ANGPT1: variants seen among roughly 807,000 people sequenced by gnomAD.
ANGPT1 encodes angiopoietin-1.
Under a neutral mutation model 62.2 loss-of-function variants are expected in ANGPT1, and 17 were observed. That is an observed-to-expected ratio of 0.27 (90% confidence interval 0.19 to 0.41). The LOEUF is 0.41. ANGPT1 is among the 10% of genes least tolerant of loss of function. The probability of loss-of-function intolerance (pLI) is 1.00; values close to 1 mark genes in which losing one functional copy is unlikely to be tolerated. For synonymous variants in ANGPT1, 199 were observed against 198.9 expected (o/e 1.00, Z 0.00); for missense variants, 478 against 594.9 (o/e 0.80, Z 2.04).
chr8:107,371,536 T>C (rs938623718), intron 1 of ANGPT1, among the ~76,000 whole-genome samples: 1 of 151,538 alleles, frequency 6.6e-6, no homozygotes, highest in Non-Finnish European at 1.5e-5. Flanking sequence ...GGCACCATAA[T>C]CCTTCTTCAA....
In ANGPT1 at chr8:107,325,505, T is replaced by C. The variant is rs1009248275; in HGVS notation, c.576-3377A>G. On this transcript the variant is annotated intron_variant, in intron 3 of 8. Coordinates refer to ENST00000517746, the MANE Select transcript of ANGPT1 (RefSeq NM_001146.5). Reference sequence around the variant, plus strand: ...GTCATATAATACTGGATAAAAATTCTGAATTACCATTTTGTACTTGAAATA... The same window carrying C: ...GTCATATAATACTGGATAAAAATTCCGAATTACCATTTTGTACTTGAAATA... 2.6e-5 allele frequency among the ~76,000 whole-genome samples: 4 copies of C among 152,236 alleles called. No homozygotes were observed. In the South Asian group the frequency reaches 8.3e-4, roughly 31 times the overall value.
chr8:107,298,436 G>C (rs2130201020), intron 5 of ANGPT1, among the ~76,000 whole-genome samples: 1 of 151,922 alleles, frequency 6.6e-6, no homozygotes, highest in African/African-American at 2.4e-5. Context: ...GAAAGGGAAA[G>C]TCTTGTTTCC....
At chr8:107,453,531 A>G (rs1811835146) in intron 1 of ANGPT1, among the ~76,000 whole-genome samples, 1 of 152,048 alleles carries the variant, frequency 6.6e-6, no homozygotes, top group Non-Finnish European at 1.5e-5. Context: ...CTTATTCACT[A>G]TCACAAGAAC....
At chr8:107,418,412 T>C (rs1810809724) in intron 1 of ANGPT1, among the ~76,000 whole-genome samples, 1 of 152,162 alleles carries the variant, frequency 6.6e-6, no homozygotes, top group Non-Finnish European at 1.5e-5. Flanking sequence ...CTGTGTTCTC[T>C]CGTTTGTGAT....
intron 3 of ANGPT1, among the ~76,000 whole-genome samples, chr8:107,327,264 T>G (rs114493022): frequency 6.6e-6 from 1 of 152,136 alleles, no homozygotes; most frequent in African/African-American, 2.4e-5. Flanking sequence ...CCCTGAAGCC[T>G]TTCATTGATT....
intron 1 of ANGPT1, among the ~76,000 whole-genome samples, chr8:107,356,352 A>G (rs957100926): frequency 6.6e-6 from 1 of 152,228 alleles, no homozygotes; most frequent in African/African-American, 2.4e-5. Flanking sequence ...AATGCTGTTC[A>G]TTGAGACTGC....
rs1287818629 is a variant in ANGPT1 at position 107,364,724 on chromosome 8, T to G, written c.298-17627A>C. Among the ~76,000 whole-genome samples, 3 of 152,240 alleles carry G rather than the reference T, an allele frequency of 2.0e-5. No individual in the cohort carries two copies. In the East Asian group the frequency reaches 5.8e-4, roughly 29 times the overall value. ...AGTGTAAGTATCTGACATTTGCATA[T>G]AAAGAAACATCTTGTATAACACGTG... On this transcript the variant is annotated intron_variant, in intron 1 of 8. Coordinates refer to ENST00000517746, the MANE Select transcript of ANGPT1 (RefSeq NM_001146.5).
At chr8:107,336,308 C>T in intron 2 of ANGPT1, 37 bp from the exon 3 acceptor site, 3 of 1,552,818 alleles carry the variant, frequency 1.9e-6, no homozygotes, top group Non-Finnish European at 2.6e-6. Context: ...AAACTTCAGT[C>T]ACGAATCAAA....
chr8:107,434,031 A>G (rs919092532), intron 1 of ANGPT1, among the ~76,000 whole-genome samples: 4 of 152,242 alleles, frequency 2.6e-5, no homozygotes, highest in Admixed American at 6.5e-5. Context: ...TCAAAATATC[A>G]TACTCAGTGA....
At chr8:107,403,178 A>T (rs1466714892) in intron 1 of ANGPT1, among the ~76,000 whole-genome samples, 1 of 152,100 alleles carries the variant, frequency 6.6e-6, no homozygotes, top group East Asian at 1.9e-4. Context: ...CTTAGGTTTC[A>T]TTCCTCATGG....
At chr8:107,463,360 G>A (rs1812119839) in intron 1 of ANGPT1, among the ~76,000 whole-genome samples, 1 of 152,104 alleles carries the variant, frequency 6.6e-6, no homozygotes. Flanking sequence ...ACCCACGTAA[G>A]TTGTGCCCAA....
chr8:107,292,487 T>C (rs73701037), intron 6 of ANGPT1, among the ~76,000 whole-genome samples: 2,365 of 152,248 alleles, frequency 0.016, 61 homozygotes, highest in African/African-American at 0.053. Flanking sequence ...CTTAAGGCAA[T>C]TTGTCACCCT....
intron 1 of ANGPT1, among the ~76,000 whole-genome samples, chr8:107,380,359 T>TTGTGTGTGTGTG (rs71308731): frequency 0.022 from 3,204 of 148,748 alleles, 101 homozygotes; most frequent in African/African-American, 0.069. Flanking sequence ...TGCAGGATGT[T>TTGTGTGTGTGTG]TGTGTGTGTG....
At chr8:107,279,396 A>AG (rs141791606) in intron 7 of ANGPT1, among the ~76,000 whole-genome samples, 2,735 of 152,278 alleles carry the variant, frequency 0.018, 64 homozygotes, top group African/African-American at 0.059. Flanking sequence ...AGAGAGAAGT[A>AG]GGGTTAGAAT....
chr8:107,289,402 T>C (rs1419009035), intron 6 of ANGPT1, among the ~76,000 whole-genome samples: 1 of 152,178 alleles, frequency 6.6e-6, no homozygotes, highest in African/African-American at 2.4e-5. Flanking sequence ...AGCGTTGACT[T>C]TTTATAGATG....
intron 1 of ANGPT1, among the ~76,000 whole-genome samples, chr8:107,429,310 C>T (rs751361540): frequency 2.0e-5 from 3 of 152,134 alleles, no homozygotes; most frequent in Non-Finnish European, 4.4e-5. Flanking sequence ...GAGTGAAACC[C>T]GGACTTCCCG....
At chr8:107,385,290 G>C (rs1459602648) in intron 1 of ANGPT1, among the ~76,000 whole-genome samples, 1 of 152,048 alleles carries the variant, frequency 6.6e-6, no homozygotes, top group African/African-American at 2.4e-5. Context: ...ACTTGTGTGT[G>C]TCATCTCTGA....
At chr8:107,301,620 A>T (rs967624985) in intron 5 of ANGPT1, among the ~76,000 whole-genome samples, 13 of 152,058 alleles carry the variant, frequency 8.5e-5, no homozygotes, top group Admixed American at 5.9e-4. Context: ...CACAGAAATC[A>T]AACATGAAAA....
At chr8:107,363,699 G>A (rs918173311) in intron 1 of ANGPT1, among the ~76,000 whole-genome samples, 2 of 152,032 alleles carry the variant, frequency 1.3e-5, no homozygotes, top group Non-Finnish European at 2.9e-5. Flanking sequence ...GCTTCAAATG[G>A]GAAGAATGGG....
Sources: allele counts gnomAD v4.1 joint callset (sites outside exome capture counted in the v4.1 genomes callset), GRCh38; gene constraint gnomAD v4.1.1; transcripts MANE v1.5; gene names NCBI Gene and HGNC (gene_info 2026-07-23, HGNC 2026-07-21).